The following VRK2 variants were observed in gnomAD, a reference collection of about 807,000 sequenced individuals.
VRK2 encodes VRK serine/threonine kinase 2.
A neutral mutation model predicts 57.6 loss-of-function variants in VRK2; 60 were observed. The ratio of observed to expected loss-of-function variants is 1.04; its 90% confidence interval spans 0.85 to 1.29. The LOEUF (loss-of-function observed/expected upper bound fraction) is 1.29. Among genes scored for constraint, VRK2 ranks in the 50% most tolerant of loss-of-function variants. The pLI is 0.00. For synonymous variants in VRK2, 231 were observed against 199.2 expected (o/e 1.16, Z -1.35); for missense variants, 705 against 588.1 (o/e 1.20, Z -2.06).
chr2:58,033,256 T>C (rs1459513384), exon 3 of VRK2: 1 of 152,084 alleles, frequency 6.6e-6, no homozygotes, highest in Non-Finnish European at 1.5e-5. Context: ...TGAAGCTCTA[T>C]AAATATGTTG....
intron 12 of VRK2, among the ~76,000 whole-genome samples, chr2:58,154,495 G>T (rs1311647306): frequency 6.6e-6 from 1 of 151,852 alleles, no homozygotes; most frequent in Non-Finnish European, 1.5e-5. Flanking sequence ...GGTGCAAACA[G>T]ATTATTAAAT....
chr2:58,108,029 C>T (rs1675008008), intron 7 of VRK2, among the ~76,000 whole-genome samples: 2 of 152,104 alleles, frequency 1.3e-5, no homozygotes, highest in Non-Finnish European at 2.9e-5. Flanking sequence ...CTCTGTCACT[C>T]AGTCCTCCAT....
intron 2 of VRK2, among the ~76,000 whole-genome samples, chr2:58,067,839 T>A (rs1013536528): frequency 1.3e-5 from 2 of 152,144 alleles, no homozygotes; most frequent in Non-Finnish European, 2.9e-5. Context: ...TCTTCCTTTA[T>A]TCCTAATATT....
chr2:57,973,250 G>A (rs984073376), intron 1 of VRK2, among the ~76,000 whole-genome samples: 7 of 151,710 alleles, frequency 4.6e-5, no homozygotes, highest in East Asian at 1.9e-4. Context: ...TTTAATTGGC[G>A]TTTCTCTTAC....
At chr2:58,142,344 A>G (rs952922225) in intron 11 of VRK2, among the ~76,000 whole-genome samples, 5 of 150,368 alleles carry the variant, frequency 3.3e-5, no homozygotes, top group African/African-American at 1.2e-4. Context: ...TTTTTCCAAT[A>G]CTGGATTTTA....
chr2:57,948,547 C>G (rs981785390), intron 1 of VRK2, among the ~76,000 whole-genome samples: 1 of 152,016 alleles, frequency 6.6e-6, no homozygotes, highest in African/African-American at 2.4e-5. Context: ...CCTTAGATGG[C>G]CTCTAGTTAT....
intron 12 of VRK2, among the ~76,000 whole-genome samples, chr2:58,148,717 T>C (rs1347438578): frequency 6.6e-6 from 1 of 151,690 alleles, no homozygotes; most frequent in African/African-American, 2.4e-5. Context: ...GAGGTGGAGG[T>C]TGAGGTTCTC....
chr2:58,031,737 A>G (rs891307896), intron 2 of VRK2, among the ~76,000 whole-genome samples: 7 of 151,998 alleles, frequency 4.6e-5, no homozygotes, highest in African/African-American at 1.7e-4. Context: ...TCTCATAGCT[A>G]CCTCTGGATT....
intron 1 of VRK2, among the ~76,000 whole-genome samples, chr2:57,962,722 A>T (rs1364099948): frequency 6.6e-6 from 1 of 152,208 alleles, no homozygotes; most frequent in Non-Finnish European, 1.5e-5. Context: ...ATGAATTTTT[A>T]AAATTTCTTA....
intron 1 of VRK2, among the ~76,000 whole-genome samples, chr2:58,020,512 A>T (rs1673722677): frequency 6.6e-6 from 1 of 152,216 alleles, no homozygotes; most frequent in African/African-American, 2.4e-5. Flanking sequence ...GCTAAGATAT[A>T]CTGTTAAGTG....
In VRK2 at chr2:58,114,384, T is replaced by C. The variant is rs369530355; in HGVS notation, c.544-8717T>C. Among the ~76,000 whole-genome samples, 18 of 151,630 alleles carry C rather than the reference T, an allele frequency of 1.2e-4. No homozygotes were observed. The East Asian group carries it at 2.9e-3, about 24-fold the overall frequency. On this transcript the variant is annotated intron_variant, in intron 7 of 12. Transcript: ENST00000340157. ...CAGGGCATGTATGAGTAGTTGAGAA[T>C]GGTGAATAGGAGTATGACTAGACAA...
intron 1 of VRK2, among the ~76,000 whole-genome samples, chr2:57,995,909 A>G (rs1037798119): frequency 1.3e-5 from 2 of 152,240 alleles, no homozygotes; most frequent in African/African-American, 2.4e-5. Flanking sequence ...AGAAATAAGC[A>G]AAGTGCACTC....
intron 1 of VRK2, among the ~76,000 whole-genome samples, chr2:57,916,697 G>A (rs143366271): frequency 0.01 from 1,535 of 152,214 alleles, 10 homozygotes; most frequent in Non-Finnish European, 0.016. Flanking sequence ...CTTGCCCAAA[G>A]TGATGCAGCT....
chr2:58,000,228 C>T (rs1274270062), intron 1 of VRK2, among the ~76,000 whole-genome samples: 1 of 152,098 alleles, frequency 6.6e-6, no homozygotes. Context: ...TGGTTATTTA[C>T]CAAGTTAGGC....
In VRK2 at chr2:58,159,419, A is replaced by G. The variant is rs778693777; in HGVS notation, c.1253A>G (p.Gln418Arg). 6.2e-7 allele frequency: 1 copy of G among 1,613,646 alleles called. No homozygotes were observed. Among genetic ancestry groups the G allele is most frequent in the Middle Eastern group, 1.7e-4 (1 of 6,058 alleles). Residue 418 changes from glutamine (Q) to arginine (R), a missense_variant, in exon 13 of 13, where the codon CAA becomes CGA. Gln to Arg is a conservative substitution (Grantham distance 43, BLOSUM62 1). Coordinates refer to ENST00000340157, the MANE Select transcript of VRK2 (RefSeq NM_006296.7). ...EPLNEVNSFP[Q>R]KISYTQFPNS... is the part of the protein sequence containing the mutation. The stretch of plus-strand genomic sequence containing the variant: ...TTGAATGAAGTAAACAGTTTCCCAC[A>G]AAAAATCAGCTATACACAATTCCCA...
chr2:57,978,555 C>G (rs1672318897), intron 1 of VRK2, among the ~76,000 whole-genome samples: 2 of 150,880 alleles, frequency 1.3e-5, no homozygotes, highest in Non-Finnish European at 2.9e-5. Context: ...ACTTACCATC[C>G]CGATCTAAAT....
Position 58,065,614 on chromosome 2 carries a change from A to G in VRK2, c.136+16647A>G, listed in dbSNP as rs369328712. ...CTTTGCTTTTCCATATACATAATTA[A>G]TTTATATTTCCAGAACAACGACAAC... On this transcript the variant is annotated intron_variant, in intron 2 of 12. Transcript: ENST00000340157. Among the ~76,000 whole-genome samples the G allele has an allele frequency of 4.8e-4, 73 of 152,160 alleles. 1 individual carries two copies. In the South Asian group the frequency reaches 0.015, roughly 31 times the overall value.
intron 1 of VRK2, among the ~76,000 whole-genome samples, chr2:57,946,098 A>C (rs961967073): frequency 6.6e-6 from 1 of 152,218 alleles, no homozygotes; most frequent in Non-Finnish European, 1.5e-5. Flanking sequence ...GTAGGAGAGG[A>C]ATAATTTATT....
chr2:57,959,502 C>G (rs1394433595), intron 1 of VRK2, among the ~76,000 whole-genome samples: 1 of 152,152 alleles, frequency 6.6e-6, no homozygotes, highest in African/African-American at 2.4e-5. Flanking sequence ...CCTGACTACA[C>G]AAGCTGTCCC....
Sources: allele counts gnomAD v4.1 joint callset (sites outside exome capture counted in the v4.1 genomes callset), GRCh38; gene constraint gnomAD v4.1.1; transcripts MANE v1.5; gene names NCBI Gene and HGNC (gene_info 2026-07-23, HGNC 2026-07-21).